The following ABTB2 variants were observed in gnomAD, a reference collection of about 807,000 sequenced individuals.
ABTB2 encodes ankyrin repeat and BTB/POZ domain-containing protein 2.
A neutral mutation model predicts 104.1 loss-of-function variants in ABTB2; 56 were observed. That is an observed-to-expected ratio of 0.54 (90% CI 0.43 to 0.67). ABTB2 has a LOEUF of 0.67. Ranked by LOEUF, ABTB2 falls within the 30% of genes least tolerant of loss-of-function variation. ABTB2 has a pLI of 0.00. For synonymous variants in ABTB2, 606 were observed against 608.2 expected (o/e 1.00, Z 0.05); for missense variants, 1,279 against 1,407.7 (o/e 0.91, Z 1.46).
intron 1 of ABTB2, chr11:34,335,834 G>C (rs559999768): frequency 4.6e-6 from 6 of 1,297,872 alleles, no homozygotes; most frequent in Admixed American, 3.4e-5. Flanking sequence ...GTTTCATCAG[G>C]CCACACCTTT....
intron 1 of ABTB2, among the ~76,000 whole-genome samples, chr11:34,310,754 G>GTGGGTGGACTGCATGGAGGT (rs1174152604): frequency 6.6e-6 from 1 of 152,080 alleles, no homozygotes; most frequent in East Asian, 1.9e-4. Context: ...GCTCTCCTCC[G>GTGGGTGGACTGCATGGAGGT]TGGGTGGACT....
chr11:34,280,770 G>A (rs1323535107), intron 1 of ABTB2, among the ~76,000 whole-genome samples: 2 of 152,104 alleles, frequency 1.3e-5, no homozygotes, highest in Admixed American at 1.3e-4. Context: ...TAATAAATGC[G>A]GATGCTCAGG....
Position 34,357,480 on chromosome 11 carries a change from G to A in ABTB2, c.104C>T (p.Ser35Phe). 1 of 1,545,786 alleles carries A rather than the reference G, an allele frequency of 6.5e-7. No individual in the cohort carries two copies. Among genetic ancestry groups the A allele is most frequent in the Non-Finnish European group, 8.7e-7 (1 of 1,146,840 alleles). ...DSCRSLSLSS[S>F]KSNSQALNSS... ...GTTGAGCGCCTGCGAGTTGGACTTGGAGGACGAGAGGCTGAGCGAGCGGCA... is the reference window on the plus strand; with the variant it reads ...GTTGAGCGCCTGCGAGTTGGACTTGAAGGACGAGAGGCTGAGCGAGCGGCA... The change falls in exon 1 of 17, where the codon TCC becomes TTC. Residue 35 changes from serine to phenylalanine, a missense_variant. By Grantham distance (155) the Ser-to-Phe change is radical. Transcript: ENST00000435224.
At position 34,151,528 on chromosome 11, in the gene ABTB2, A is replaced by C. The variant is rs529544880; in HGVS notation, c.*859T>G. ...CAGGGGACTCTGCTTCATCGCCCCC[A>C]CAAAGGCAACCTAGTCTAGGCCTGA... On this transcript the variant is annotated 3_prime_UTR_variant, in exon 17 of 17. Transcript: ENST00000435224. 7.9e-5 allele frequency: 12 copies of C among 152,336 alleles called. No individual in the cohort carries two copies. Among genetic ancestry groups the C allele is most frequent in the African/African-American group, 2.6e-4 (11 of 41,550 alleles). The allele number at this position is 152,336 out of a possible 1,614,324, so 9.4% of individuals were successfully genotyped here.
chr11:34,159,346 C>T lies in ABTB2; in HGVS notation c.2647G>A (p.Asp883Asn), dbSNP rs763983680. ...CTGATCTCGATGGTCTTGCTGCTGT[C>T]CCCATCCTGTTCTGATTTATTGGTC... ...LMTNKSEQDG[D>N]SSKTIEISDM... The change falls in exon 14 of 17, where the codon GAC becomes AAC. Residue 883 changes from aspartate (D) to asparagine (N), a missense_variant. Physicochemically the swap from Asp to Asn is conservative, Grantham distance 23. Transcript: ENST00000435224. 2.5e-6 allele frequency: 4 copies of T among 1,613,930 alleles called. No individual in the cohort carries two copies. Among genetic ancestry groups the T allele is most frequent in the Admixed American group, 1.7e-5 (1 of 60,030 alleles).
Position 34,159,911 on chromosome 11 carries a change from A to G in ABTB2, c.2601T>C (p.Ser867=). The G allele has an allele frequency of 6.2e-7, 1 of 1,612,882 alleles. No homozygotes were observed. ...YAHKVLLVTA[S]NRFKTLMTNK... The stretch of plus-strand genomic sequence containing the variant: ...TGTTATCTGAGGCTGCCTACCTGTT[A>G]GAAGCTGTCACCAGCAGGACTTTAT... Residue 867 remains serine, a synonymous_variant, in exon 13 of 17, where the codon TCT becomes TCC. Transcript: ENST00000435224.
intron 5 of ABTB2, among the ~76,000 whole-genome samples, chr11:34,170,200 C>T (rs1200302514): frequency 6.6e-6 from 1 of 152,204 alleles, no homozygotes; most frequent in African/African-American, 2.4e-5. Context: ...ACCTCTCTGT[C>T]CCTCAATTTC....
At chr11:34,190,404 C>A (rs1216059970) in intron 3 of ABTB2, among the ~76,000 whole-genome samples, 1 of 152,192 alleles carries the variant, frequency 6.6e-6, no homozygotes, top group Admixed American at 6.5e-5. Context: ...CATGCACCAT[C>A]ATGCACCTGA....
chr11:34,152,410 C>CAG lies in ABTB2; in HGVS notation c.3053_3054dup (p.Val1019LeufsTer79). Reference sequence around the variant, plus strand: ...CCTCACACCCGGGAGGTGATGTAGACAGAGTGCACGCGCTCTGCCAGGGTG... The same window carrying CAG: ...CCTCACACCCGGGAGGTGATGTAGACAGAGAGTGCACGCGCTCTGCCAGGGTG... On this transcript the variant is annotated frameshift_variant, in exon 17 of 17. Transcript: ENST00000435224. LOFTEE classifies it high-confidence loss of function. The CAG allele has an allele frequency of 6.3e-7, 1 of 1,578,784 alleles. No homozygotes were observed. The highest frequency in any genetic ancestry group is 8.6e-7 in the Non-Finnish European group (1 of 1,163,434).
chr11:34,274,996 C>T (rs1171731482), intron 1 of ABTB2, among the ~76,000 whole-genome samples: 1 of 152,174 alleles, frequency 6.6e-6, no homozygotes, highest in Non-Finnish European at 1.5e-5. Flanking sequence ...ATCCTGGCCT[C>T]TGAAGGATGT....
chr11:34,153,246 G>A (rs1170325045), intron 16 of ABTB2, among the ~76,000 whole-genome samples: 1 of 152,200 alleles, frequency 6.6e-6, no homozygotes, highest in African/African-American at 2.4e-5. Context: ...GCAGAGTGAG[G>A]GGAGATGTGG....
At chr11:34,315,641 G>A (rs185784423) in intron 1 of ABTB2, among the ~76,000 whole-genome samples, 8 of 152,308 alleles carry the variant, frequency 5.3e-5, no homozygotes, top group East Asian at 1.9e-4. Flanking sequence ...CACCCTCGGC[G>A]CTGAGCAGAC....
chr11:34,177,663 CT>C (rs1175658081), intron 3 of ABTB2, among the ~76,000 whole-genome samples: 1 of 151,494 alleles, frequency 6.6e-6, no homozygotes, highest in Admixed American at 6.6e-5. Flanking sequence ...GTCTTTTTTT[CT>C]TTTTTTTAAC....
At chr11:34,225,931 C>T (rs894633940) in intron 1 of ABTB2, among the ~76,000 whole-genome samples, 17 of 151,934 alleles carry the variant, frequency 1.1e-4, no homozygotes, top group Admixed American at 2.6e-4. Flanking sequence ...AAGCCAGGTG[C>T]GGTGGCTCAC....
chr11:34,295,138 T>C (rs1178299898), intron 1 of ABTB2, among the ~76,000 whole-genome samples: 1 of 152,168 alleles, frequency 6.6e-6, no homozygotes, highest in Non-Finnish European at 1.5e-5. Context: ...GAATTATGAT[T>C]GCATCACTGC....
chr11:34,165,329 C>T lies in ABTB2; in HGVS notation c.1783G>A (p.Glu595Lys), dbSNP rs749489251. Residue 595 changes from glutamate to lysine, a missense_variant, in exon 8 of 17, where the codon GAG (glutamate) becomes AAG (lysine). Glu to Lys is a moderately conservative substitution (Grantham distance 56). Transcript: ENST00000435224. ...QLLLDAGAHV[E>K]GSAVNGGEDS... ...TCGCCGCCGTTCACTGCCGAGCCCTCGACATGGGCACCAGCATCCAGCAGC... is the reference window on the plus strand; with the variant it reads ...TCGCCGCCGTTCACTGCCGAGCCCTTGACATGGGCACCAGCATCCAGCAGC... 27 of 1,586,826 alleles carry T rather than the reference C, an allele frequency of 1.7e-5. No homozygotes were observed. Among genetic ancestry groups the T allele is most frequent in the African/African-American group, 8.1e-5 (6 of 74,150 alleles).
intron 1 of ABTB2, among the ~76,000 whole-genome samples, chr11:34,345,006 G>A (rs1216687142): frequency 6.6e-6 from 1 of 152,268 alleles, no homozygotes; most frequent in East Asian, 1.9e-4. Context: ...AAGTGCCAGT[G>A]GCTGGTCCCG....
At chr11:34,214,860 A>G (rs949244604) in intron 1 of ABTB2, among the ~76,000 whole-genome samples, 1 of 152,236 alleles carries the variant, frequency 6.6e-6, no homozygotes, top group African/African-American at 2.4e-5. Flanking sequence ...AGAAAAAGGT[A>G]CATGAAAGGA....
chr11:34,251,517 G>A (rs533065170), intron 1 of ABTB2, among the ~76,000 whole-genome samples: 222 of 152,338 alleles, frequency 1.5e-3, no homozygotes, highest in South Asian at 3.1e-3. Flanking sequence ...ACTGTTGACC[G>A]GTGTCCATGC....
Sources: gnomAD v4.1 joint callset for allele counts (sites outside exome capture counted in the v4.1 genomes callset) on GRCh38, gnomAD v4.1.1 for gene constraint, MANE v1.5 for transcripts, NCBI Gene and HGNC (gene_info 2026-07-23, HGNC 2026-07-21) for gene names.